CSMD1: variants seen among roughly 807,000 people sequenced by gnomAD.
CSMD1 encodes the protein CUB and Sushi multiple domains 1.
A neutral mutation model predicts 417.5 loss-of-function variants in CSMD1; 213 were observed. That is an observed-to-expected ratio of 0.51 (90% CI 0.46 to 0.57). The LOEUF (loss-of-function observed/expected upper bound fraction) is 0.57. Ranked by LOEUF, CSMD1 falls within the 20% of genes least tolerant of loss-of-function variation. CSMD1 has a pLI of 0.00. For missense variants in CSMD1, 6,923 were observed against 4,529.7 expected, an observed-to-expected ratio of 1.53 and a Z score of -15.17; for synonymous variants, 2,862 against 1,736.8, an observed-to-expected ratio of 1.65 and a Z score of -16.11.
chr8:4,589,076 A>G (rs2617080), intron 2 of CSMD1, among the ~76,000 whole-genome samples: 104,185 of 151,920 alleles, frequency 0.69, 36,530 homozygotes, highest in African/African-American at 0.85. Context: ...TAGAAAAATA[A>G]AAAATATGTT....
intron 3 of CSMD1, among the ~76,000 whole-genome samples, chr8:4,047,852 G>T (rs1585202861): frequency 6.6e-6 from 1 of 152,138 alleles, no homozygotes; most frequent in East Asian, 1.9e-4. Flanking sequence ...ATATGAAGTA[G>T]AGGATCAGAT....
intron 12 of CSMD1, among the ~76,000 whole-genome samples, chr8:3,412,450 G>A (rs1174686755): frequency 1.3e-5 from 2 of 152,114 alleles, no homozygotes; most frequent in Non-Finnish European, 2.9e-5. Context: ...TTGATCCAGA[G>A]ATGTTATATT....
intron 49 of CSMD1, 33 bp from the exon 50 acceptor site, chr8:3,052,680 C>A (rs772162258): frequency 6.9e-7 from 1 of 1,444,440 alleles, no homozygotes; most frequent in South Asian, 1.4e-5. Context: ...TAGGCTTATT[C>A]TTACAGAAAT....
chr8:3,741,238 A>C (rs1796788769), intron 6 of CSMD1, among the ~76,000 whole-genome samples: 3 of 145,840 alleles, frequency 2.1e-5, no homozygotes, highest in South Asian at 2.2e-4. Flanking sequence ...AAAAAAAAAA[A>C]AAACATACAG....
At chr8:4,474,781 T>A (rs1314150299) in intron 2 of CSMD1, among the ~76,000 whole-genome samples, 1 of 152,168 alleles carries the variant, frequency 6.6e-6, no homozygotes, top group African/African-American at 2.4e-5. Flanking sequence ...CCCAGCCTAC[T>A]CAGCATGAAG....
chr8:4,716,354 A>AC (rs1746137110), intron 1 of CSMD1, among the ~76,000 whole-genome samples: 2 of 152,230 alleles, frequency 1.3e-5, no homozygotes, highest in African/African-American at 4.8e-5. Context: ...AACAGGCATG[A>AC]CATCAAGTGA....
chr8:3,685,653 G>A (rs970254427), intron 7 of CSMD1, among the ~76,000 whole-genome samples: 1 of 152,158 alleles, frequency 6.6e-6, no homozygotes, highest in Non-Finnish European at 1.5e-5. Context: ...TAGAGGCCTG[G>A]GGGTGCTTTT....
chr8:4,446,568 G>A (rs1255107958), intron 2 of CSMD1, among the ~76,000 whole-genome samples: 1 of 152,028 alleles, frequency 6.6e-6, no homozygotes, highest in African/African-American at 2.4e-5. Context: ...GTTTTGTTGT[G>A]GGGAAGATGG....
intron 10 of CSMD1, among the ~76,000 whole-genome samples, chr8:3,529,341 G>C (rs555095551): frequency 3.3e-5 from 5 of 152,242 alleles, no homozygotes; most frequent in Admixed American, 1.3e-4. Flanking sequence ...ACACACTTAA[G>C]TGTACTAAAT....
chr8:4,127,607 T>G (rs1802843420), intron 3 of CSMD1, among the ~76,000 whole-genome samples: 1 of 152,032 alleles, frequency 6.6e-6, no homozygotes, highest in Admixed American at 6.5e-5. Context: ...CCACACCACA[T>G]ACAACACCCA....
At chr8:3,313,142 G>A (rs1463803839) in intron 23 of CSMD1, among the ~76,000 whole-genome samples, 1 of 152,148 alleles carries the variant, frequency 6.6e-6, no homozygotes, top group African/African-American at 2.4e-5. Flanking sequence ...AGACTTAAAT[G>A]TTAGACCTAA....
rs544013425 is a variant in CSMD1 at position 4,439,595 on chromosome 8, T to G, written c.303-19530A>C. ...AATACATATTTCTTTATTATTAACA[T>G]ACTTACATATTTGTTTTAAGGTAAA... is the stretch of plus-strand genomic sequence containing the variant. On this transcript the variant is annotated intron_variant, in intron 2 of 69. Coordinates refer to ENST00000635120, the MANE Select transcript of CSMD1 (RefSeq NM_033225.6). Among the ~76,000 whole-genome samples, 15 of 152,306 alleles carry G rather than the reference T, an allele frequency of 9.8e-5. No homozygotes were observed. The South Asian group carries it at 1.9e-3, about 19-fold the overall frequency.
intron 8 of CSMD1, among the ~76,000 whole-genome samples, chr8:3,607,751 C>T (rs79646954): frequency 0.025 from 3,813 of 152,308 alleles, 69 homozygotes; most frequent in Middle Eastern, 0.078. Flanking sequence ...CTATTAAAGC[C>T]CCTCCTCTGT....
intron 37 of CSMD1, among the ~76,000 whole-genome samples, chr8:3,175,273 G>C (rs554238998): frequency 1.3e-5 from 2 of 152,148 alleles, no homozygotes; most frequent in Admixed American, 6.5e-5. Flanking sequence ...AATAATGAAA[G>C]AGTTGTTATA....
At chr8:4,969,444 C>A (rs1337033305) in intron 1 of CSMD1, among the ~76,000 whole-genome samples, 1 of 151,708 alleles carries the variant, frequency 6.6e-6, no homozygotes, top group African/African-American at 2.4e-5. Flanking sequence ...GGAGCCAGTT[C>A]ACAGAAAATC....
intron 55 of CSMD1, among the ~76,000 whole-genome samples, chr8:2,977,639 C>G (rs1390700251): frequency 6.6e-6 from 1 of 152,110 alleles, no homozygotes; most frequent in South Asian, 2.1e-4. Flanking sequence ...AGAGTGAACA[C>G]ACAACCAACA....
At chr8:4,045,635 AT>A (rs1798111801) in intron 3 of CSMD1, among the ~76,000 whole-genome samples, 1 of 152,348 alleles carries the variant, frequency 6.6e-6, no homozygotes, top group African/African-American at 2.4e-5. Flanking sequence ...AAAAGGGGAA[AT>A]TAGCTTGACA....
intron 5 of CSMD1, among the ~76,000 whole-genome samples, chr8:3,925,315 A>G (rs1276196184): frequency 6.6e-6 from 1 of 152,252 alleles, no homozygotes; most frequent in African/African-American, 2.4e-5. Context: ...AGAGTAAAGT[A>G]CTTGTGCATT....
intron 11 of CSMD1, among the ~76,000 whole-genome samples, chr8:3,471,662 T>A (rs578261249): frequency 7.9e-4 from 114 of 143,650 alleles, no homozygotes; most frequent in Non-Finnish European, 1.5e-3. Flanking sequence ...CTTCCTTCCT[T>A]TCCCTCCCTC....
Sources: gnomAD v4.1 joint callset for allele counts (sites outside exome capture counted in the v4.1 genomes callset) on GRCh38, gnomAD v4.1.1 for gene constraint, MANE v1.5 for transcripts, NCBI Gene and HGNC (gene_info 2026-07-23, HGNC 2026-07-21) for gene names.